SETBP1: variants seen among roughly 807,000 people sequenced by gnomAD.
SETBP1 encodes the protein SET-binding protein.
SETBP1 carries 9 observed loss-of-function variants against 101.0 expected under a neutral mutation model. The observed-to-expected ratio is 0.09, with a 90% CI of 0.05 to 0.16. The LOEUF is 0.16. Among genes scored for constraint, SETBP1 ranks in the 10% least tolerant of loss-of-function variants. SETBP1 has a pLI of 1.00. For missense variants in SETBP1, 1,858 were observed against 2,033.8 expected (o/e 0.91, Z 1.66); for synonymous variants, 818 against 788.5 (o/e 1.04, Z -0.63).
intron 2 of SETBP1, among the ~76,000 whole-genome samples, chr18:44,753,047 C>T (rs145601657): frequency 6.6e-6 from 1 of 152,298 alleles, no homozygotes; most frequent in African/African-American, 2.4e-5. Flanking sequence ...CTACTGAAAG[C>T]TGGGACAATT....
At chr18:44,854,549 A>T (rs2072934564) in intron 2 of SETBP1, among the ~76,000 whole-genome samples, 1 of 152,218 alleles carries the variant, frequency 6.6e-6, no homozygotes, top group Non-Finnish European at 1.5e-5. Flanking sequence ...CAAGATGTTC[A>T]TGGGCTATTG....
Position 44,951,257 on chromosome 18 carries a change from G to A in SETBP1, c.1917G>A (p.Glu639=). The change falls in exon 4 of 6, where the codon GAG becomes GAA. Residue 639 remains glutamate (E), a synonymous_variant. Coordinates refer to ENST00000649279, the MANE Select transcript of SETBP1 (RefSeq NM_015559.3). This position sits in a 1 kb window ranked among gnomAD's most constrained non-coding sequence, Gnocchi z 7.8. ...LAKLAQLVPG[E]DKPMSEMKFH... is the part of the protein sequence containing the mutation. ...AGTTGGCCCAGCTAGTGCCGGGAGA[G>A]GACAAACCCATGAGCGAGATGAAAT... is the stretch of plus-strand genomic sequence containing the variant. 6.2e-7 allele frequency: 1 copy of A among 1,613,940 alleles called. No homozygotes were observed. The highest frequency in any genetic ancestry group is 1.1e-5 in the South Asian group (1 of 91,074).
chr18:44,732,722 C>T (rs2069864595), intron 2 of SETBP1: 1 of 152,086 alleles, frequency 6.6e-6, no homozygotes, highest in African/African-American at 2.4e-5. Flanking sequence ...AACCTGAAGC[C>T]AAGGGATGGT....
rs11082414 is a variant in SETBP1 at position 44,950,031 on chromosome 18, G to C, written c.691G>C (p.Val231Leu). ...DWSTNSDSGP[V>L]TQNCFISPES... ...GTCCACCAACTCTGACAGCGGACCCGTCACTCAGAATTGCTTCATCAGTCC... is the reference window on the plus strand; with the variant it reads ...GTCCACCAACTCTGACAGCGGACCCCTCACTCAGAATTGCTTCATCAGTCC... The change falls in exon 4 of 6, where the codon GTC becomes CTC. Residue 231 changes from valine (V) to leucine (L), a missense_variant. Around this residue, in one of 12 missense-constraint regions of SETBP1, gnomAD observed 581 missense variants for 535.1 expected, o/e 1.09. Transcript: ENST00000649279. The C allele has an allele frequency of 0.2, 324,720 of 1,614,022 alleles. 33,960 individuals are homozygous for C. The highest frequency in any genetic ancestry group is 0.26 in the South Asian group (23,284 of 91,070).
At position 45,020,258 on chromosome 18, in the gene SETBP1, TAAAAAAAAAAAAAAAAAAA is replaced by T. The variant is rs57134217; in HGVS notation, c.4001-18208_4001-18190del. ...CTGGTGACAGAGCAAGACTCTGTCT[TAAAAAAAAAAAAAAAAAAA>T]AAAAAAAAAAAAAAAAAAGTGGCTT... On this transcript the variant is annotated intron_variant, in intron 4 of 5. Coordinates refer to ENST00000649279, the MANE Select transcript of SETBP1 (RefSeq NM_015559.3). Among the ~76,000 whole-genome samples, 22 of 53,086 alleles carry T rather than the reference TAAAAAAAAAAAAAAAAAAA, an allele frequency of 4.1e-4. 1 individual carries two copies. In the South Asian group the frequency reaches 9.0e-3, roughly 22 times the overall value. The allele number at this position is 53,086 out of a possible 152,430, so 34.8% of individuals were successfully genotyped here.
intron 2 of SETBP1, among the ~76,000 whole-genome samples, chr18:44,763,161 A>C (rs2144597312): frequency 6.6e-6 from 1 of 152,364 alleles, no homozygotes. Flanking sequence ...GAAGCATGCC[A>C]GTCCATAAGT....
chr18:44,899,421 G>T (rs1437715841), intron 3 of SETBP1, among the ~76,000 whole-genome samples: 1 of 152,176 alleles, frequency 6.6e-6, no homozygotes, highest in Non-Finnish European at 1.5e-5. Context: ...AGGCAATTCT[G>T]TCTCCAAAAT....
intron 2 of SETBP1, among the ~76,000 whole-genome samples, chr18:44,745,998 T>C (rs911067988): frequency 6.6e-6 from 1 of 152,080 alleles, no homozygotes; most frequent in African/African-American, 2.4e-5. Context: ...AAGAGAGAGC[T>C]TGAATTGGGG....
At chr18:44,864,695 C>T (rs1319638471) in intron 2 of SETBP1, among the ~76,000 whole-genome samples, 4 of 152,198 alleles carry the variant, frequency 2.6e-5, no homozygotes, top group East Asian at 1.9e-4. Context: ...CTCTGCACCC[C>T]GCACCCTCTC....
At chr18:44,757,721 G>A (rs1352765855) in intron 2 of SETBP1, among the ~76,000 whole-genome samples, 2 of 147,642 alleles carry the variant, frequency 1.4e-5, no homozygotes, top group Non-Finnish European at 3.0e-5. Context: ...GAGATTAAAC[G>A]ACTTGTCTCA....
At chr18:44,895,300 AG>A (rs927862810) in intron 3 of SETBP1, among the ~76,000 whole-genome samples, 2 of 36,476 alleles carry the variant, frequency 5.5e-5, no homozygotes, top group Admixed American at 8.3e-4. Context: ...GGAGGGAGGA[AG>A]GGGGGAGAGA....
At chr18:44,682,169 A>G (rs1433127123) in intron 1 of SETBP1, among the ~76,000 whole-genome samples, 1 of 152,204 alleles carries the variant, frequency 6.6e-6, no homozygotes, top group Non-Finnish European at 1.5e-5. Flanking sequence ...ATTTGGCACC[A>G]TCTCTTACCC....
chr18:44,919,706 G>A (rs901127364), intron 3 of SETBP1, among the ~76,000 whole-genome samples: 14 of 151,108 alleles, frequency 9.3e-5, no homozygotes, highest in African/African-American at 3.2e-4. Flanking sequence ...TTAATAATCT[G>A]TGCCATTTGA....
chr18:44,779,563 TG>T (rs1342628949), intron 2 of SETBP1, among the ~76,000 whole-genome samples: 1 of 152,020 alleles, frequency 6.6e-6, no homozygotes, highest in Non-Finnish European at 1.5e-5. Flanking sequence ...GACAAACAGT[TG>T]GCAGGAGAGG....
At chr18:44,850,056 C>T (rs2072816071) in intron 2 of SETBP1, among the ~76,000 whole-genome samples, 1 of 152,202 alleles carries the variant, frequency 6.6e-6, no homozygotes, top group African/African-American at 2.4e-5. Context: ...CCTTGGCTCT[C>T]ACCTCCAAAA....
intron 2 of SETBP1, among the ~76,000 whole-genome samples, chr18:44,831,101 A>G (rs1441463181): frequency 6.6e-6 from 1 of 152,244 alleles, no homozygotes; most frequent in African/African-American, 2.4e-5. Flanking sequence ...AAAAGGACAA[A>G]TAAGCACAGT....
At chr18:45,020,258 TAAAA>T (rs57134217) in intron 4 of SETBP1, among the ~76,000 whole-genome samples, 8 of 53,078 alleles carry the variant, frequency 1.5e-4, no homozygotes, top group African/African-American at 4.4e-4. Context: ...GACTCTGTCT[TAAAA>T]AAAAAAAAAA....
chr18:44,972,517 G>A (rs1436596099), intron 4 of SETBP1, among the ~76,000 whole-genome samples: 2 of 152,178 alleles, frequency 1.3e-5, no homozygotes, highest in Non-Finnish European at 2.9e-5. Flanking sequence ...AGCATGGAAT[G>A]TTCTTCTATT....
At chr18:44,802,559 T>G (rs887744641) in intron 2 of SETBP1, among the ~76,000 whole-genome samples, 1 of 152,180 alleles carries the variant, frequency 6.6e-6, no homozygotes, top group Non-Finnish European at 1.5e-5. Context: ...ACTTCTTAGA[T>G]TCCAGGTGTA....
Sources: allele counts gnomAD v4.1 joint callset (sites outside exome capture counted in the v4.1 genomes callset), GRCh38; gene constraint gnomAD v4.1.1; regional missense constraint gnomAD v4.1.1; non-coding constraint Gnocchi (gnomAD v3.1); transcripts MANE v1.5; gene names NCBI Gene and HGNC (gene_info 2026-07-23, HGNC 2026-07-21).